Variants in ROCK2 observed in about 807,000 individuals in gnomAD.
ROCK2 encodes the protein Rho associated coiled-coil containing protein kinase 2.
Under a neutral mutation model 195.1 loss-of-function variants are expected in ROCK2, and 61 were observed. The ratio of observed to expected loss-of-function variants is 0.31; its 90% CI spans 0.25 to 0.39. The LOEUF (loss-of-function observed/expected upper bound fraction) is 0.39. Among genes scored for constraint, ROCK2 ranks in the 10% least tolerant of loss-of-function variants. The probability of loss-of-function intolerance (pLI) is 1.00; values close to 1 mark genes in which losing one functional copy is unlikely to be tolerated. For missense variants in ROCK2, 1,109 were observed against 1,637.4 expected (o/e 0.68, Z 5.57); for synonymous variants, 504 against 545.5 (o/e 0.92, Z 1.06).
rs201211363 is a variant in ROCK2 at position 11,235,690 on chromosome 2, T to C, written c.723+12A>G. On this transcript the variant is annotated intron_variant, in intron 5 of 32. Coordinates refer to ENST00000315872, the MANE Select transcript of ROCK2 (RefSeq NM_004850.5). This position sits in a 1 kb window ranked among gnomAD's most constrained non-coding sequence, Gnocchi z 4.2. Reference sequence around the variant, plus strand: ...TCAAAACACTATCGTTTTAAATAATTTGCTTACTTACTTCATCCATCTTCA... The same window carrying C: ...TCAAAACACTATCGTTTTAAATAATCTGCTTACTTACTTCATCCATCTTCA... The C allele has an allele frequency of 1.3e-6, 2 of 1,594,376 alleles. No individual in the cohort carries two copies. Among genetic ancestry groups the C allele is most frequent in the Non-Finnish European group, 1.7e-6 (2 of 1,170,082 alleles).
At chr2:11,297,717 A>G (rs1667579941) in intron 1 of ROCK2, among the ~76,000 whole-genome samples, 1 of 152,140 alleles carries the variant, frequency 6.6e-6, no homozygotes, top group Non-Finnish European at 1.5e-5. Flanking sequence ...TGTTAAGTCT[A>G]TATGCTAAGT....
chr2:11,322,744 A>G (rs911376281), intron 1 of ROCK2, among the ~76,000 whole-genome samples: 3 of 152,158 alleles, frequency 2.0e-5, no homozygotes, highest in Non-Finnish European at 4.4e-5. Flanking sequence ...GAAAGTTAAA[A>G]ATATGTACTT....
rs149782971 is a variant in ROCK2 at position 11,241,347 on chromosome 2, A to T, written c.463-5385T>A. ...AAAAAGAGTATCAGTTACCTATGGG[A>T]CAACATCAAGCAGATTACACATGTG... On this transcript the variant is annotated intron_variant, in intron 4 of 32. Transcript: ENST00000315872. Among the ~76,000 whole-genome samples the T allele has an allele frequency of 3.1e-3, 468 of 152,308 alleles. 3 individuals carry two copies. The highest frequency in any genetic ancestry group is 0.01 in the Admixed American group (158 of 15,294).
chr2:11,299,791 T>C (rs1049863306), intron 1 of ROCK2, among the ~76,000 whole-genome samples: 1 of 152,226 alleles, frequency 6.6e-6, no homozygotes, highest in Non-Finnish European at 1.5e-5. Context: ...CATGGAAAAG[T>C]AAAAATGTTC....
Position 11,212,625 on chromosome 2 carries a change from T to C in ROCK2, c.2044-785A>G, listed in dbSNP as rs541247721. Among the ~76,000 whole-genome samples the C allele has an allele frequency of 1.5e-3, 231 of 152,206 alleles. 1 individual carries two copies. The highest frequency in any genetic ancestry group is 5.3e-3 in the African/African-American group (220 of 41,526). On this transcript the variant is annotated intron_variant, in intron 17 of 32. Transcript: ENST00000315872. ...TATTTTCTACATAAACCCCAAAGGT[T>C]TTCTAATTCTTTGATTTTTATAGTT...
At chr2:11,214,503 A>C in intron 16 of ROCK2, 40 bp from the exon 17 acceptor site, 17 of 1,117,494 alleles carry the variant, frequency 1.5e-5, no homozygotes, top group Non-Finnish European at 2.1e-5. Context: ...TAAACCCACA[A>C]AGTATATACA....
intron 9 of ROCK2, among the ~76,000 whole-genome samples, chr2:11,219,465 C>A (rs1199898007): frequency 6.6e-6 from 1 of 151,688 alleles, no homozygotes; most frequent in Non-Finnish European, 1.5e-5. Flanking sequence ...GAGCTGAGAT[C>A]GCACCACTGC....
At chr2:11,214,732 T>C in intron 16 of ROCK2, 108 bp downstream of exon 16, 1 of 999,670 alleles carries the variant, frequency 1.0e-6, no homozygotes, top group East Asian at 2.6e-5. Flanking sequence ...TAACTTTACA[T>C]AATAGTATAT....
intron 1 of ROCK2, among the ~76,000 whole-genome samples, chr2:11,316,192 T>C (rs900292000): frequency 6.6e-6 from 1 of 152,014 alleles, no homozygotes; most frequent in Non-Finnish European, 1.5e-5. Context: ...AATAAATAAA[T>C]AGATATAAAT....
Position 11,196,307 on chromosome 2 carries a change from T to C in ROCK2, c.3448+873A>G, listed in dbSNP as rs192738639. On this transcript the variant is annotated intron_variant, in intron 27 of 32. Coordinates refer to ENST00000315872, the MANE Select transcript of ROCK2 (RefSeq NM_004850.5). ...TGCCTAGGATAATGTCAGTAAGTAC[T>C]CAGTAAAAACCTTAAGCATATCCTT... Among the ~76,000 whole-genome samples the C allele has an allele frequency of 2.1e-3, 317 of 152,324 alleles. 1 individual carries two copies. The highest frequency in any genetic ancestry group is 6.8e-3 in the Middle Eastern group (2 of 294).
At chr2:11,264,805 A>T (rs1666357268) in intron 3 of ROCK2, among the ~76,000 whole-genome samples, 1 of 152,214 alleles carries the variant, frequency 6.6e-6, no homozygotes, top group Admixed American at 6.5e-5. Context: ...GAGCCTGTAA[A>T]GAAAAAATCC....
intron 3 of ROCK2, among the ~76,000 whole-genome samples, chr2:11,270,326 T>C (rs1478906767): frequency 6.6e-6 from 1 of 152,220 alleles, no homozygotes; most frequent in African/African-American, 2.4e-5. Flanking sequence ...GAAAATGATA[T>C]TCCTAAATCT....
rs764763261 is a variant in ROCK2 at position 11,221,195 on chromosome 2, T to G, written c.1259+3A>C. 4 of 1,540,914 alleles carry G rather than the reference T, an allele frequency of 2.6e-6. No homozygotes were observed. Among genetic ancestry groups the G allele is most frequent in the Non-Finnish European group, 3.5e-6 (4 of 1,151,524 alleles). ...AAAATTTAACAAATAATAAACCACATACAAATTTTCTCTATAGTAGGTAAA... is the reference window on the plus strand; with the variant it reads ...AAAATTTAACAAATAATAAACCACAGACAAATTTTCTCTATAGTAGGTAAA... On this transcript the variant is annotated splice_donor_region_variant and intron_variant, in intron 9 of 32. Coordinates refer to ENST00000315872, the MANE Select transcript of ROCK2 (RefSeq NM_004850.5).
chr2:11,192,618 T>C lies in ROCK2; in HGVS notation c.3782A>G (p.His1261Arg). 6.2e-7 allele frequency: 1 copy of C among 1,614,082 alleles called. No individual in the cohort carries two copies. Among genetic ancestry groups the C allele is most frequent in the Non-Finnish European group, 8.5e-7 (1 of 1,179,994 alleles). Residue 1261 changes from histidine (H) to arginine (R), a missense_variant, in exon 31 of 33, where the codon CAT becomes CGT. Around this residue, in one of 6 missense-constraint regions of ROCK2, gnomAD observed 221 missense variants for 355.1 expected, o/e 0.62. Coordinates refer to ENST00000315872, the MANE Select transcript of ROCK2 (RefSeq NM_004850.5). The surrounding 1 kb of genome is among the most constrained non-coding windows in gnomAD (Gnocchi z 5.0). ...EKSNYICHKG[H>R]EFIPTLYHFP... ...ATGATAAAGAGTAGGAATAAACTCA[T>C]GTCCCTTGTGGCAAATATAATTAGA... is the stretch of plus-strand genomic sequence containing the variant.
intron 4 of ROCK2, among the ~76,000 whole-genome samples, chr2:11,244,537 A>C (rs1451357119): frequency 6.6e-6 from 1 of 152,118 alleles, no homozygotes; most frequent in Non-Finnish European, 1.5e-5. Context: ...AAGCAGAGAT[A>C]GGAGGAATGC....
At chr2:11,297,546 T>C (rs1348727742) in intron 1 of ROCK2, among the ~76,000 whole-genome samples, 1 of 152,164 alleles carries the variant, frequency 6.6e-6, no homozygotes, top group East Asian at 1.9e-4. Context: ...ATAAGTCATA[T>C]GTTGTTTTTT....
intron 4 of ROCK2, among the ~76,000 whole-genome samples, chr2:11,249,428 A>C (rs1385536545): frequency 2.0e-5 from 3 of 152,244 alleles, no homozygotes; most frequent in African/African-American, 7.2e-5. Context: ...AAGAAGAAAA[A>C]GCTGCAAGTA....
intron 1 of ROCK2, among the ~76,000 whole-genome samples, chr2:11,337,754 C>T (rs748548844): frequency 1.3e-5 from 2 of 152,052 alleles, no homozygotes; most frequent in Non-Finnish European, 2.9e-5. Context: ...TTGCCTCAGC[C>T]TCCCAAGCAG....
chr2:11,184,249 A>C (rs774416771), intron 32 of ROCK2, among the ~76,000 whole-genome samples: 2 of 152,232 alleles, frequency 1.3e-5, no homozygotes, highest in Non-Finnish European at 2.9e-5. Context: ...TATGCTTTCA[A>C]TTCTTGCAAG....
Sources: allele counts gnomAD v4.1 joint callset (sites outside exome capture counted in the v4.1 genomes callset), GRCh38; gene constraint gnomAD v4.1.1; regional missense constraint gnomAD v4.1.1; non-coding constraint Gnocchi (gnomAD v3.1); transcripts MANE v1.5; gene names NCBI Gene and HGNC (gene_info 2026-07-23, HGNC 2026-07-21).